Variants in EPCAM observed in about 807,000 individuals in gnomAD.
EPCAM encodes adenocarcinoma-associated antigen.
In EPCAM, 39 loss-of-function variants were observed where a neutral mutation model predicts 40.0. That is an observed-to-expected ratio of 0.98 (90% confidence interval 0.76 to 1.27). The LOEUF is 1.27. Ranked by LOEUF, EPCAM falls within the 50% of genes most tolerant of loss-of-function variation. The pLI is 0.00. For synonymous variants in EPCAM, 168 were observed against 132.3 expected, an observed-to-expected ratio of 1.27 and a Z score of -1.85; for missense variants, 503 against 381.2, an observed-to-expected ratio of 1.32 and a Z score of -2.66.
At chr2:47,385,688 T>A (rs534125726) in intron 8 of EPCAM, among the ~76,000 whole-genome samples, 1 of 151,728 alleles carries the variant, frequency 6.6e-6, no homozygotes, top group East Asian at 1.9e-4. Flanking sequence ...ATATGAACAC[T>A]TATCCTTGAA....
chr2:47,373,360 G>C (rs1009233404), intron 1 of EPCAM, 103 bp from the exon 2 acceptor site: 5 of 780,636 alleles, frequency 6.4e-6, no homozygotes, highest in Admixed American at 2.2e-5. Context: ...TTAAGGTTTT[G>C]TGTCCTTGTA....
At chr2:47,378,557 C>A (rs1237147376) in intron 5 of EPCAM, among the ~76,000 whole-genome samples, 1 of 152,114 alleles carries the variant, frequency 6.6e-6, no homozygotes, top group Non-Finnish European at 1.5e-5. Flanking sequence ...CCACCTCAGC[C>A]TCCCAAAGTG....
intron 2 of EPCAM, 75 bp downstream of exon 2, chr2:47,373,645 G>A (rs2103746328): frequency 6.9e-7 from 1 of 1,443,650 alleles, no homozygotes; most frequent in East Asian, 2.3e-5. Flanking sequence ...CCTTGAGTTG[G>A]AAAGAGTTTT....
At chr2:47,375,631 C>T (rs543237597) in intron 4 of EPCAM, among the ~76,000 whole-genome samples, 4 of 152,106 alleles carry the variant, frequency 2.6e-5, no homozygotes, top group African/African-American at 7.2e-5. Context: ...CCCCTAAGTA[C>T]TTCAGTGTAT....
chr2:47,380,030 T>G, intron 7 of EPCAM, 61 bp downstream of exon 7: 9 of 1,553,316 alleles, frequency 5.8e-6, no homozygotes, highest in Non-Finnish European at 7.0e-6. Context: ...AAAGTAATAG[T>G]GGCTGGGCGC....
intron 1 of EPCAM, 29 bp downstream of exon 1, chr2:47,369,610 G>T (rs199679894): frequency 6.4e-7 from 1 of 1,573,924 alleles, no homozygotes; most frequent in Non-Finnish European, 8.6e-7. Context: ...CAGAGTTGTG[G>T]AGCTGGGCTG....
At chr2:47,378,142 G>A (rs1476662409) in intron 5 of EPCAM, among the ~76,000 whole-genome samples, 2 of 152,052 alleles carry the variant, frequency 1.3e-5, no homozygotes, top group African/African-American at 4.8e-5. Flanking sequence ...TGAGGCAGGA[G>A]TATGGCGTGA....
chr2:47,369,467 G>T lies in EPCAM; in HGVS notation c.-39G>T, dbSNP rs1671157213. 3 of 1,450,122 alleles carry T rather than the reference G, an allele frequency of 2.1e-6. No homozygotes were observed. Among genetic ancestry groups the T allele is most frequent in the Non-Finnish European group, 2.7e-6 (3 of 1,111,938 alleles). 89.8% of individuals were successfully genotyped at this position (1,450,122 alleles called of 1,614,324 possible). A position where few individuals can be genotyped will look rare whatever the true frequency, so the allele number is the denominator to read the frequency against. ...CGGCGCACGCCCTCCCGCGAGTCCC[G>T]GGCCCCTCCCGCGCCCCTCTTCTCG... On this transcript the variant is annotated 5_prime_UTR_variant, in exon 1 of 9. Transcript: ENST00000263735.
intron 5 of EPCAM, 149 bp downstream of exon 5, chr2:47,377,226 A>G: frequency 1.4e-6 from 1 of 694,818 alleles, no homozygotes; most frequent in South Asian, 1.6e-5. Context: ...ATTTCCTGTT[A>G]CTGTTTTTTT....
intron 7 of EPCAM, among the ~76,000 whole-genome samples, chr2:47,380,400 T>A (rs114262834): frequency 0.013 from 2,002 of 152,314 alleles, 12 homozygotes; most frequent in Middle Eastern, 0.024. Flanking sequence ...TTTAAATAAT[T>A]TTTTTATGGT....
chr2:47,382,284 C>G lies in EPCAM; in HGVS notation c.858+2315C>G, dbSNP rs181271457. The stretch of plus-strand genomic sequence containing the variant: ...GACAGTTAATAGAAATTTCAGATGG[C>G]AAATGAACACAAGTGGTTAATGCTG... On this transcript the variant is annotated intron_variant, in intron 7 of 8. Coordinates refer to ENST00000263735, the MANE Select transcript of EPCAM (RefSeq NM_002354.3). Among the ~76,000 whole-genome samples the G allele has an allele frequency of 2.6e-5, 4 of 152,220 alleles. No individual in the cohort carries two copies. The East Asian group carries it at 5.8e-4, about 22-fold the overall frequency.
chr2:47,380,325 G>C (rs1476540187), intron 7 of EPCAM, among the ~76,000 whole-genome samples: 1 of 151,452 alleles, frequency 6.6e-6, no homozygotes, highest in East Asian at 1.9e-4. Context: ...TCAAAAAGAA[G>C]AAAAAAGGAA....
At chr2:47,380,316 C>G (rs1308177183) in intron 7 of EPCAM, among the ~76,000 whole-genome samples, 1 of 151,112 alleles carries the variant, frequency 6.6e-6, no homozygotes, top group East Asian at 1.9e-4. Flanking sequence ...GACCCTGTCT[C>G]AAAAAGAAGA....
Position 47,373,961 on chromosome 2 carries a change from C to T in EPCAM, c.338C>T (p.Thr113Ile), listed in dbSNP as rs753947304. 8.7e-6 allele frequency: 14 copies of T among 1,613,950 alleles called. No individual in the cohort carries two copies. Among genetic ancestry groups the T allele is most frequent in the South Asian group, 3.3e-5 (3 of 91,084 alleles). ...TTTAAGGCCAAGCAGTGCAACGGCA[C>T]CTCCATGTGCTGGTGTGTGAACACT... Reference protein sequence around the residue: ...GLFKAKQCNGTSMCWCVNTAG... With the variant: ...GLFKAKQCNGISMCWCVNTAG... Residue 113 changes from threonine (T) to isoleucine (I), a missense_variant, in exon 3 of 9, where the codon ACC becomes ATC. By Grantham distance (89) the Thr-to-Ile change is moderately conservative. Coordinates refer to ENST00000263735, the MANE Select transcript of EPCAM (RefSeq NM_002354.3).
At position 47,373,817 on chromosome 2, in the gene EPCAM, A is replaced by C. The variant is rs864622746; in HGVS notation, c.194A>C (p.Lys65Thr). ...NTVICSKLAA[K>T]CLVMKAEMNG... Reference sequence around the variant, plus strand: ...AAGGTTTCTTTTTCAGTGGCTGCCAAATGTTTGGTGATGAAGGCAGAAATG... The same window carrying C: ...AAGGTTTCTTTTTCAGTGGCTGCCACATGTTTGGTGATGAAGGCAGAAATG... The change falls in exon 3 of 9, where the codon AAA becomes ACA. Residue 65 changes from lysine (K) to threonine (T), a missense_variant. Physicochemically the swap from Lys to Thr is moderately conservative, Grantham distance 78. Transcript: ENST00000263735. The C allele has an allele frequency of 2.5e-6, 4 of 1,613,966 alleles. No homozygotes were observed. Among genetic ancestry groups the C allele is most frequent in the East Asian group, 2.2e-5 (1 of 44,890 alleles).
chr2:47,373,953 C>T lies in EPCAM; in HGVS notation c.330C>T (p.Cys110=). 1 of 1,614,098 alleles carries T rather than the reference C, an allele frequency of 6.2e-7. No homozygotes were observed. The highest frequency in any genetic ancestry group is 8.5e-7 in the Non-Finnish European group (1 of 1,180,000). ...DESGLFKAKQ[C]NGTSMCWCVN... is the part of the protein sequence containing the mutation. Reference sequence around the variant, plus strand: ...GCGGGCTCTTTAAGGCCAAGCAGTGCAACGGCACCTCCATGTGCTGGTGTG... The same window carrying T: ...GCGGGCTCTTTAAGGCCAAGCAGTGTAACGGCACCTCCATGTGCTGGTGTG... The change falls in exon 3 of 9, where the codon TGC becomes TGT. Residue 110 remains cysteine (C), a synonymous_variant. Coordinates refer to ENST00000263735, the MANE Select transcript of EPCAM (RefSeq NM_002354.3).
intron 5 of EPCAM, among the ~76,000 whole-genome samples, chr2:47,377,380 G>T (rs1427961764): frequency 1.3e-5 from 2 of 152,008 alleles, no homozygotes; most frequent in African/African-American, 4.8e-5. Context: ...GGGACTACAG[G>T]CACATGTCAC....
At chr2:47,381,760 A>G (rs1248957685) in intron 7 of EPCAM, among the ~76,000 whole-genome samples, 1 of 152,146 alleles carries the variant, frequency 6.6e-6, no homozygotes, top group African/African-American at 2.4e-5. Flanking sequence ...GAAAGAAAAG[A>G]TACATATATG....
intron 7 of EPCAM, among the ~76,000 whole-genome samples, chr2:47,382,190 CA>C (rs1671611619): frequency 6.6e-6 from 1 of 151,872 alleles, no homozygotes; most frequent in East Asian, 1.9e-4. Flanking sequence ...GGATATTATA[CA>C]TAATATACAA....
Sources: gnomAD v4.1 joint callset for allele counts (sites outside exome capture counted in the v4.1 genomes callset) on GRCh38, gnomAD v4.1.1 for gene constraint, MANE v1.5 for transcripts, NCBI Gene and HGNC (gene_info 2026-07-23, HGNC 2026-07-21) for gene names.